The following C9 variants were observed in gnomAD, a reference collection of about 807,000 sequenced individuals.
C9 encodes complement C9.
Under a neutral mutation model 65.4 loss-of-function variants are expected in C9, and 63 were observed. The ratio of observed to expected loss-of-function variants is 0.96; its 90% CI spans 0.79 to 1.19. The LOEUF is 1.19. Ranked by LOEUF, C9 falls within the 50% of genes most tolerant of loss-of-function variation. The pLI is 0.00. For missense variants in C9, 744 were observed against 670.1 expected (o/e 1.11, Z -1.22); for synonymous variants, 229 against 227.9 (o/e 1.00, Z -0.04).
chr5:39,345,580 T>A (rs1754176001), intron 1 of C9, among the ~76,000 whole-genome samples: 1 of 152,116 alleles, frequency 6.6e-6, no homozygotes, highest in Non-Finnish European at 1.5e-5. Context: ...AATGGGAGAT[T>A]TTAACACCCC....
chr5:39,340,092 G>C (rs1031814714), intron 4 of C9, among the ~76,000 whole-genome samples: 1 of 152,006 alleles, frequency 6.6e-6, no homozygotes, highest in Non-Finnish European at 1.5e-5. Flanking sequence ...AGTCCTATCC[G>C]GGAAAAGAAA....
chr5:39,288,601 TCTTCTGTTTA>T (rs1753033481), intron 10 of C9, 112 bp downstream of exon 10: 1 of 660,452 alleles, frequency 1.5e-6, no homozygotes, highest in Non-Finnish European at 2.8e-6. Context: ...TCAATCTTTA[TCTTCTGTTTA>T]TATAAATAAT....
At chr5:39,285,548 T>C (rs1752976510) in intron 10 of C9, among the ~76,000 whole-genome samples, 1 of 152,122 alleles carries the variant, frequency 6.6e-6, no homozygotes, top group African/African-American at 2.4e-5. Context: ...TTGGACTGGG[T>C]TCAAAATAGA....
chr5:39,288,219 CTG>C (rs1265176874), intron 10 of C9, among the ~76,000 whole-genome samples: 1 of 151,568 alleles, frequency 6.6e-6, no homozygotes, highest in African/African-American at 2.4e-5. Flanking sequence ...ATGAAAGTGA[CTG>C]TATCTGAGTA....
intron 1 of C9, among the ~76,000 whole-genome samples, chr5:39,361,748 A>G (rs578250901): frequency 2.0e-5 from 3 of 152,308 alleles, no homozygotes; most frequent in East Asian, 1.9e-4. Flanking sequence ...AACATAAGAG[A>G]TGATGTCCCC....
At position 39,342,595 on chromosome 5, in the gene C9, C is replaced by T. The variant is rs1754107924; in HGVS notation, c.78-399G>A. ...TTCCTTCCCATCCACCATACCCCAC[C>T]CCTCCCAAGAATCTGGTGAGGCTAA... On this transcript the variant is annotated intron_variant, in intron 1 of 10. Coordinates refer to ENST00000263408, the MANE Select transcript of C9 (RefSeq NM_001737.5). 2.6e-5 allele frequency among the ~76,000 whole-genome samples: 4 copies of T among 152,074 alleles called. No homozygotes were observed. The South Asian group carries it at 8.3e-4, about 32-fold the overall frequency.
intron 5 of C9, among the ~76,000 whole-genome samples, chr5:39,318,376 C>G (rs1753609192): frequency 6.6e-6 from 1 of 152,048 alleles, no homozygotes; most frequent in South Asian, 2.1e-4. Context: ...TTGCACTGGC[C>G]AGAATTTCCA....
At chr5:39,321,847 G>T (rs111515968) in intron 5 of C9, among the ~76,000 whole-genome samples, 1 of 152,030 alleles carries the variant, frequency 6.6e-6, no homozygotes, top group Non-Finnish European at 1.5e-5. Context: ...GCACCTAAAT[G>T]TATAAAGTAA....
intron 6 of C9, among the ~76,000 whole-genome samples, chr5:39,311,942 T>C (rs1753491781): frequency 6.6e-6 from 1 of 152,152 alleles, no homozygotes; most frequent in African/African-American, 2.4e-5. Flanking sequence ...GAGGAGTATA[T>C]CCTATATAAT....
At chr5:39,297,662 A>G (rs530266616) in intron 9 of C9, among the ~76,000 whole-genome samples, 11 of 151,856 alleles carry the variant, frequency 7.2e-5, no homozygotes, top group Non-Finnish European at 8.9e-5. Flanking sequence ...TATACAAAGA[A>G]GATATATAAT....
intron 9 of C9, among the ~76,000 whole-genome samples, chr5:39,290,423 A>C (rs1332373300): frequency 1.3e-5 from 2 of 151,492 alleles, no homozygotes. Flanking sequence ...ACAAAACTTA[A>C]AAGAAATGAG....
At chr5:39,315,518 A>G (rs1008572720) in intron 6 of C9, among the ~76,000 whole-genome samples, 3 of 152,160 alleles carry the variant, frequency 2.0e-5, no homozygotes, top group Non-Finnish European at 2.9e-5. Context: ...TATTACCACA[A>G]TCTCAGTCAA....
intron 1 of C9, among the ~76,000 whole-genome samples, chr5:39,350,237 C>T (rs1422688507): frequency 1.3e-5 from 2 of 152,126 alleles, no homozygotes; most frequent in Non-Finnish European, 2.9e-5. Context: ...ATCATGAGAA[C>T]AGCAAAAAGG....
intron 4 of C9, among the ~76,000 whole-genome samples, chr5:39,334,991 T>TG (rs998394392): frequency 2.8e-4 from 12 of 43,218 alleles, no homozygotes; most frequent in East Asian, 7.7e-4. Flanking sequence ...TCTTCTGCCT[T>TG]GGGAAAAAAA....
At chr5:39,324,307 G>C (rs1201307023) in intron 5 of C9, among the ~76,000 whole-genome samples, 1 of 151,944 alleles carries the variant, frequency 6.6e-6, no homozygotes, top group Non-Finnish European at 1.5e-5. Flanking sequence ...GAAATAAAAA[G>C]AACAATCCTA....
chr5:39,315,063 T>C (rs1579852658), intron 6 of C9, among the ~76,000 whole-genome samples: 2 of 152,098 alleles, frequency 1.3e-5, no homozygotes, highest in Non-Finnish European at 2.9e-5. Context: ...TGCATGTAAA[T>C]AGAGAGGTAA....
chr5:39,288,646 C>A, intron 10 of C9, 77 bp downstream of exon 10: 1 of 782,186 alleles, frequency 1.3e-6, no homozygotes, highest in Non-Finnish European at 2.3e-6. Flanking sequence ...CAAATTAATT[C>A]AAGAGCTAGT....
At chr5:39,357,421 C>G (rs568955931) in intron 1 of C9, among the ~76,000 whole-genome samples, 1 of 152,170 alleles carries the variant, frequency 6.6e-6, no homozygotes, top group East Asian at 1.9e-4. Context: ...CAGAGCTTCT[C>G]TCATGTGCTT....
intron 10 of C9, among the ~76,000 whole-genome samples, chr5:39,286,644 A>C (rs1752996056): frequency 6.6e-6 from 1 of 152,032 alleles, no homozygotes; most frequent in Non-Finnish European, 1.5e-5. Flanking sequence ...AATCAGCAGA[A>C]TATTCTACAT....
Sources: allele counts gnomAD v4.1 joint callset (sites outside exome capture counted in the v4.1 genomes callset), GRCh38; gene constraint gnomAD v4.1.1; transcripts MANE v1.5; gene names NCBI Gene and HGNC (gene_info 2026-07-23, HGNC 2026-07-21).